The following HECW2 variants were observed in gnomAD, a reference collection of about 807,000 sequenced individuals.
The protein encoded by HECW2 is HECT, C2 and WW domain containing E3 ubiquitin protein ligase 2, also known as E3 ubiquitin-protein ligase HECW2.
A neutral mutation model predicts 175.2 loss-of-function variants in HECW2; 61 were observed. The observed-to-expected ratio is 0.35, with a 90% confidence interval of 0.28 to 0.43. The LOEUF is 0.43. HECW2 is among the 20% of genes least tolerant of loss of function. The pLI, the probability that HECW2 is intolerant of heterozygous loss-of-function variation, is 1.00. For synonymous variants in HECW2, 671 were observed against 731.0 expected (o/e 0.92, Z 1.32); for missense variants, 1,524 against 2,000.5 (o/e 0.76, Z 4.54).
intron 2 of HECW2, among the ~76,000 whole-genome samples, chr2:196,414,524 T>C (rs1278258003): frequency 6.6e-6 from 1 of 152,204 alleles, no homozygotes; most frequent in African/African-American, 2.4e-5. Flanking sequence ...TGTCTCTCTT[T>C]CCCTCAAAGG....
intron 1 of HECW2, among the ~76,000 whole-genome samples, chr2:196,543,815 T>C (rs992286734): frequency 6.6e-6 from 1 of 152,230 alleles, no homozygotes; most frequent in African/African-American, 2.4e-5. Flanking sequence ...GATTTCACCA[T>C]GCCAGGCAGG....
intron 13 of HECW2, among the ~76,000 whole-genome samples, chr2:196,296,287 C>G (rs555796260): frequency 6.6e-6 from 1 of 152,316 alleles, no homozygotes; most frequent in South Asian, 2.1e-4. Flanking sequence ...TACTTAATCT[C>G]TGTCTCAATT....
At chr2:196,580,062 G>T (rs1690714881) in intron 1 of HECW2, among the ~76,000 whole-genome samples, 1 of 152,066 alleles carries the variant, frequency 6.6e-6, no homozygotes, top group Non-Finnish European at 1.5e-5. Context: ...TAGACTTTAA[G>T]ACAAAAATTG....
rs545051711 is a variant in HECW2, at chr2:196,239,741, T to C, written c.3764+708A>G. 2.6e-5 allele frequency: 4 copies of C among 152,332 alleles called. No homozygotes were observed. In the East Asian group the frequency reaches 7.7e-4, roughly 29 times the overall value. The allele number at this position is 152,332 out of a possible 1,614,324, so 9.4% of individuals were successfully genotyped here. A position where few individuals can be genotyped will look rare whatever the true frequency, so the allele number is the denominator to read the frequency against. On this transcript the variant is annotated intron_variant, in intron 21 of 28. Coordinates refer to ENST00000644978, the MANE Select transcript of HECW2 (RefSeq NM_001348768.2). ...TGAGGAAGAAGGGGTCTGGGAGGGA[T>C]GACAGCTGGCCTCTTCTAATGTGAT...
intron 21 of HECW2, among the ~76,000 whole-genome samples, chr2:196,235,773 A>C (rs1399726193): frequency 6.9e-6 from 1 of 145,328 alleles, no homozygotes; most frequent in Non-Finnish European, 1.5e-5. Flanking sequence ...CTCCTGCCTC[A>C]GCCTCCCGAG....
chr2:196,365,556 T>G (rs963601802), intron 2 of HECW2, among the ~76,000 whole-genome samples: 1 of 152,198 alleles, frequency 6.6e-6, no homozygotes, highest in Non-Finnish European at 1.5e-5. Context: ...CACTCTGTTT[T>G]CAGATTCCCA....
chr2:196,210,788 A>AT (rs34890135), intron 28 of HECW2, among the ~76,000 whole-genome samples: 69,462 of 142,796 alleles, frequency 0.49, 17,405 homozygotes, highest in African/African-American at 0.65. Flanking sequence ...TAATTTTTGT[A>AT]TTTTTTTTTT....
intron 2 of HECW2, among the ~76,000 whole-genome samples, chr2:196,353,683 G>A (rs1039274072): frequency 5.3e-5 from 8 of 152,218 alleles, no homozygotes; most frequent in Non-Finnish European, 1.0e-4. Flanking sequence ...GATGAAAGCC[G>A]TGATTCAGAG....
intron 1 of HECW2, among the ~76,000 whole-genome samples, chr2:196,518,151 T>G (rs899876249): frequency 6.6e-6 from 1 of 152,194 alleles, no homozygotes; most frequent in African/African-American, 2.4e-5. Flanking sequence ...TCCTCCTTTC[T>G]TCTGTTTTTC....
chr2:196,403,083 G>A (rs1187951183), intron 2 of HECW2, among the ~76,000 whole-genome samples: 1 of 152,156 alleles, frequency 6.6e-6, no homozygotes, highest in Non-Finnish European at 1.5e-5. Flanking sequence ...TGGGATTATA[G>A]GCATGAGCCA....
chr2:196,534,868 G>C (rs1688964618), intron 1 of HECW2, among the ~76,000 whole-genome samples: 1 of 152,080 alleles, frequency 6.6e-6, no homozygotes, highest in African/African-American at 2.4e-5. Context: ...GCAAGTCCAA[G>C]ATACCAAAAT....
At chr2:196,292,813 C>G (rs1690653405) in intron 13 of HECW2, 63 bp from the exon 14 acceptor site, 4 of 1,291,016 alleles carry the variant, frequency 3.1e-6, no homozygotes, top group Non-Finnish European at 4.4e-6. Flanking sequence ...ACCAGAAATA[C>G]TACACATGGG....
chr2:196,293,262 C>G (rs1047005334), intron 13 of HECW2, among the ~76,000 whole-genome samples: 1 of 152,204 alleles, frequency 6.6e-6, no homozygotes, highest in Non-Finnish European at 1.5e-5. Flanking sequence ...GTTTGGTTTT[C>G]TGTTCCTGTG....
intron 17 of HECW2, among the ~76,000 whole-genome samples, chr2:196,268,833 T>C (rs574808836): frequency 6.6e-6 from 1 of 152,334 alleles, no homozygotes; most frequent in African/African-American, 2.4e-5. Context: ...TTGTTTGTTT[T>C]GCTTTGAGGT....
intron 1 of HECW2, among the ~76,000 whole-genome samples, chr2:196,458,480 T>C (rs988676205): frequency 1.3e-5 from 2 of 150,796 alleles, no homozygotes; most frequent in African/African-American, 4.9e-5. Flanking sequence ...CCCAAGGGGA[T>C]GAAAATATGT....
Position 196,196,674 on chromosome 2 carries a change from C to T in HECW2, c.*4603G>A, listed in dbSNP as rs555248232. 2 of 152,638 alleles carry T rather than the reference C, an allele frequency of 1.3e-5. No homozygotes were observed. The highest frequency in any genetic ancestry group is 3.8e-4 in the East Asian group (2 of 5,200). 9.5% of individuals were successfully genotyped at this position (152,638 alleles called of 1,614,324 possible). ...ATTAGCTGGGCATGGTGGTGCATGC[C>T]TGTAGTCCTAGCTACTCGGAGGCTG... On this transcript the variant is annotated 3_prime_UTR_variant, in exon 29 of 29. Coordinates refer to ENST00000644978, the MANE Select transcript of HECW2 (RefSeq NM_001348768.2).
chr2:196,241,275 G>T (rs1162274266), intron 20 of HECW2, among the ~76,000 whole-genome samples: 2 of 152,212 alleles, frequency 1.3e-5, no homozygotes, highest in Non-Finnish European at 2.9e-5. Context: ...TAAGTTAAGT[G>T]TGAGAAAAGT....
chr2:196,264,756 G>A (rs11888186), intron 17 of HECW2, among the ~76,000 whole-genome samples: 2,346 of 152,162 alleles, frequency 0.015, 65 homozygotes, highest in African/African-American at 0.055. Flanking sequence ...AGATATATAC[G>A]TGATATACAA....
chr2:196,204,336 T>TTTGTTTG (rs1559432413), intron 28 of HECW2, among the ~76,000 whole-genome samples: 24 of 152,036 alleles, frequency 1.6e-4, no homozygotes, highest in African/African-American at 5.8e-4. Flanking sequence ...ATTTCTTGTT[T>TTTGTTTG]TTTGTTTGTT....
Sources: gnomAD v4.1 joint callset for allele counts (sites outside exome capture counted in the v4.1 genomes callset) on GRCh38, gnomAD v4.1.1 for gene constraint, MANE v1.5 for transcripts, NCBI Gene and HGNC (gene_info 2026-07-23, HGNC 2026-07-21) for gene names.